Variants in CACNA2D3 observed in about 807,000 individuals in gnomAD.
CACNA2D3 encodes the protein calcium voltage-gated channel auxiliary subunit alpha2delta 3.
A neutral mutation model predicts 160.6 loss-of-function variants in CACNA2D3; 60 were observed. That is an observed-to-expected ratio of 0.37 (90% CI 0.30 to 0.46). The LOEUF is 0.46. CACNA2D3 is among the 20% of genes least tolerant of loss of function. The pLI, the probability that CACNA2D3 is intolerant of heterozygous loss-of-function variation, is 1.00. For synonymous variants in CACNA2D3, 558 were observed against 492.9 expected, an observed-to-expected ratio of 1.13 and a Z score of -1.75; for missense variants, 1,205 against 1,365.0, an observed-to-expected ratio of 0.88 and a Z score of 1.85.
chr3:54,388,077 T>C (rs1699219836), intron 4 of CACNA2D3, among the ~76,000 whole-genome samples: 1 of 152,154 alleles, frequency 6.6e-6, no homozygotes, highest in Non-Finnish European at 1.5e-5. Flanking sequence ...TATTTTCAAA[T>C]GTATACTCGG....
At chr3:54,346,769 T>G (rs1309663462) in intron 3 of CACNA2D3, among the ~76,000 whole-genome samples, 2 of 152,228 alleles carry the variant, frequency 1.3e-5, no homozygotes, top group Non-Finnish European at 2.9e-5. Flanking sequence ...GTGTGTAATG[T>G]CCTGTATCCG....
Position 54,871,589 on chromosome 3 carries a change from C to T in CACNA2D3, c.1677C>T (p.Leu559=), listed in dbSNP as rs1200312362. Reference sequence around the variant, plus strand: ...AACCTAACTATAGTAGCGTTGACCTCTCTGAGGTGGAGTGGGAAGACCGAG... The same window carrying T: ...AACCTAACTATAGTAGCGTTGACCTTTCTGAGGTGGAGTGGGAAGACCGAG... The part of the protein sequence containing the change: ...RRKPNYSSVD[L]SEVEWEDRDD... Residue 559 remains leucine (L), a synonymous_variant, in exon 18 of 38, where the codon CTC becomes CTT. Coordinates refer to ENST00000474759, the MANE Select transcript of CACNA2D3 (RefSeq NM_018398.3). 9 of 1,613,476 alleles carry T rather than the reference C, an allele frequency of 5.6e-6. No homozygotes were observed. The highest frequency in any genetic ancestry group is 7.6e-6 in the Non-Finnish European group (9 of 1,179,616).
At chr3:54,360,847 G>A (rs527468397) in intron 3 of CACNA2D3, among the ~76,000 whole-genome samples, 1 of 152,226 alleles carries the variant, frequency 6.6e-6, no homozygotes, top group Non-Finnish European at 1.5e-5. Flanking sequence ...AGATTTATAT[G>A]GTCCAATCAA....
chr3:54,275,314 G>A (rs1020970332), intron 2 of CACNA2D3, among the ~76,000 whole-genome samples: 4 of 152,272 alleles, frequency 2.6e-5, no homozygotes, highest in African/African-American at 7.2e-5. Context: ...CCCCTAGGCA[G>A]GGAGTAGTTC....
chr3:54,285,561 C>A (rs1462488069), intron 2 of CACNA2D3, among the ~76,000 whole-genome samples: 1 of 152,206 alleles, frequency 6.6e-6, no homozygotes, highest in Non-Finnish European at 1.5e-5. Context: ...ATGTCCCTGT[C>A]TGACAGCTTT....
At chr3:54,728,694 G>C (rs1472499427) in intron 11 of CACNA2D3, among the ~76,000 whole-genome samples, 3 of 152,270 alleles carry the variant, frequency 2.0e-5, no homozygotes, top group East Asian at 3.9e-4. Context: ...CGGGCAAATA[G>C]AATACAGGCA....
intron 4 of CACNA2D3, among the ~76,000 whole-genome samples, chr3:54,482,503 T>G (rs563243192): frequency 2.6e-5 from 4 of 152,198 alleles, no homozygotes; most frequent in Non-Finnish European, 5.9e-5. Context: ...AGGAAACATT[T>G]TTATAAAAGA....
In CACNA2D3 at chr3:54,899,794, T is replaced by C; in HGVS notation, c.2375T>C (p.Val792Ala). The C allele has an allele frequency of 1.9e-6, 3 of 1,607,284 alleles. No homozygotes were observed. The highest frequency in any genetic ancestry group is 1.7e-6 in the Non-Finnish European group (2 of 1,176,536). The part of the protein sequence containing the change: ...VYSIPFSTGP[V>A]NKSNVVTAST... The stretch of plus-strand genomic sequence containing the variant: ...GTGTTTTTTCTTTTCACAGGACCAG[T>C]CAATAAAAGCAATGTGGTGACAGCA... The change falls in exon 27 of 38, where the codon GTC becomes GCC. Residue 792 changes from valine (V) to alanine (A), a missense_variant. By Grantham distance (64) the Val-to-Ala change is moderately conservative. Around this residue, in one of 3 missense-constraint regions of CACNA2D3, gnomAD observed 911 missense variants for 1,002.2 expected, o/e 0.91. Transcript: ENST00000474759.
intron 4 of CACNA2D3, among the ~76,000 whole-genome samples, chr3:54,493,202 C>T (rs542751863): frequency 2.7e-5 from 4 of 150,754 alleles, no homozygotes; most frequent in African/African-American, 9.7e-5. Context: ...CTCAGCCTCC[C>T]GCATAGCTGG....
At chr3:55,016,769 A>G (rs358029) in intron 34 of CACNA2D3, among the ~76,000 whole-genome samples, 1 of 152,066 alleles carries the variant, frequency 6.6e-6, no homozygotes, top group Non-Finnish European at 1.5e-5. Flanking sequence ...TAAATAACAA[A>G]GATTACAATG....
intron 14 of CACNA2D3, among the ~76,000 whole-genome samples, chr3:54,832,024 C>T (rs568750394): frequency 0.013 from 1,923 of 145,794 alleles, 86 homozygotes; most frequent in African/African-American, 0.043. Context: ...CACACACACA[C>T]ACACACACAC....
chr3:54,575,389 T>C (rs2106728825), intron 8 of CACNA2D3, among the ~76,000 whole-genome samples: 1 of 152,320 alleles, frequency 6.6e-6, no homozygotes, highest in South Asian at 2.1e-4. Context: ...GGGGTAGAGA[T>C]TCTTATCTTA....
At chr3:54,808,823 G>T (rs567657492) in intron 13 of CACNA2D3, among the ~76,000 whole-genome samples, 31 of 152,220 alleles carry the variant, frequency 2.0e-4, no homozygotes, top group African/African-American at 7.0e-4. Flanking sequence ...AGTGAGAGGG[G>T]TTCTGATACC....
chr3:54,865,376 T>G (rs945640380), intron 17 of CACNA2D3, among the ~76,000 whole-genome samples: 3 of 152,326 alleles, frequency 2.0e-5, no homozygotes. Flanking sequence ...GTACTTAGAT[T>G]GTGACTCTCT....
At chr3:54,637,242 G>C (rs1004341451) in intron 10 of CACNA2D3, among the ~76,000 whole-genome samples, 1 of 151,920 alleles carries the variant, frequency 6.6e-6, no homozygotes, top group African/African-American at 2.4e-5. Flanking sequence ...TATTGGCGTT[G>C]AGTAGGGTAA....
At chr3:54,196,416 G>A (rs1464813272) in intron 2 of CACNA2D3, among the ~76,000 whole-genome samples, 1 of 152,168 alleles carries the variant, frequency 6.6e-6, no homozygotes, top group Non-Finnish European at 1.5e-5. Flanking sequence ...CTGATGGATG[G>A]ATCTTCACAG....
chr3:54,198,086 G>C (rs1287606365), intron 2 of CACNA2D3, among the ~76,000 whole-genome samples: 11 of 152,338 alleles, frequency 7.2e-5, no homozygotes, highest in African/African-American at 2.6e-4. Flanking sequence ...GTTCTTATCA[G>C]ACTTTTCTTT....
At chr3:54,505,880 G>C (rs1465261402) in intron 5 of CACNA2D3, among the ~76,000 whole-genome samples, 1 of 152,158 alleles carries the variant, frequency 6.6e-6, no homozygotes, top group African/African-American at 2.4e-5. Context: ...ATAGAATCAT[G>C]CTTGTAATGA....
chr3:54,133,844 G>T (rs1699765089), intron 2 of CACNA2D3, among the ~76,000 whole-genome samples: 1 of 152,092 alleles, frequency 6.6e-6, no homozygotes. Context: ...GCCAGTGTGG[G>T]CTCTTAAACT....
Sources: gnomAD v4.1 joint callset for allele counts (sites outside exome capture counted in the v4.1 genomes callset) on GRCh38, gnomAD v4.1.1 for gene constraint, gnomAD v4.1.1 regional missense constraint, MANE v1.5 for transcripts, NCBI Gene and HGNC (gene_info 2026-07-23, HGNC 2026-07-21) for gene names.